SKA2: variants seen among roughly 807,000 people sequenced by gnomAD.
SKA2 encodes spindle and kinetochore associated complex subunit 2, also known as spindle and kinetochore-associated protein 2.
Under a neutral mutation model 16.9 loss-of-function variants are expected in SKA2, and 13 were observed. The ratio of observed to expected loss-of-function variants is 0.77; its 90% CI spans 0.50 to 1.22. The LOEUF (loss-of-function observed/expected upper bound fraction) is 1.22. Among genes scored for constraint, SKA2 ranks in the 50% most tolerant of loss-of-function variants. The pLI, the probability that SKA2 is intolerant of heterozygous loss-of-function variation, is 0.00. For missense variants in SKA2, 107 were observed against 139.7 expected, an observed-to-expected ratio of 0.77 and a Z score of 1.18; for synonymous variants, 47 against 48.5, an observed-to-expected ratio of 0.97 and a Z score of 0.13.
chr17:59,140,753 G>C (rs942162166), intron 1 of SKA2, among the ~76,000 whole-genome samples: 1 of 150,508 alleles, frequency 6.6e-6, no homozygotes, highest in Non-Finnish European at 1.5e-5. Flanking sequence ...TGGGACTACA[G>C]GTGCCCACCA....
In SKA2 at chr17:59,135,742, T is replaced by A. The variant is rs576313398; in HGVS notation, c.34-4375A>T. Among the ~76,000 whole-genome samples, 301 of 150,262 alleles carry A rather than the reference T, an allele frequency of 2.0e-3. 1 individual carries two copies. Among genetic ancestry groups the A allele is most frequent in the Middle Eastern group, 0.011 (3 of 278 alleles). On this transcript the variant is annotated intron_variant, in intron 1 of 3. Coordinates refer to ENST00000330137, the MANE Select transcript of SKA2 (RefSeq NM_182620.4). ...CTACCACACCCATCCTGAAAAAATA[T>A]ATTTAAAAAATATATTTTTAAAATA...
intron 1 of SKA2, among the ~76,000 whole-genome samples, chr17:59,147,223 A>C (rs1336507632): frequency 1.3e-5 from 2 of 151,480 alleles, no homozygotes. Context: ...GGTTATTAAA[A>C]AAACAAAAAC....
chr17:59,142,251 C>T (rs1050747859), intron 1 of SKA2, among the ~76,000 whole-genome samples: 5 of 150,712 alleles, frequency 3.3e-5, no homozygotes, highest in Non-Finnish European at 4.4e-5. Flanking sequence ...GGTGTTATTG[C>T]ACGAATATTC....
At chr17:59,142,044 C>T (rs1321919382) in intron 1 of SKA2, among the ~76,000 whole-genome samples, 3 of 152,138 alleles carry the variant, frequency 2.0e-5, no homozygotes, top group African/African-American at 7.2e-5. Context: ...TGCACACTGT[C>T]AATTCTACCC....
In SKA2 at chr17:59,140,435, G is replaced by A. The variant is rs186208805; in HGVS notation, c.34-9068C>T. 3.3e-3 allele frequency among the ~76,000 whole-genome samples: 497 copies of A among 151,780 alleles called. 3 individuals are homozygous for A. The highest frequency in any genetic ancestry group is 5.4e-3 in the Non-Finnish European group (370 of 67,936). On this transcript the variant is annotated intron_variant, in intron 1 of 3. Coordinates refer to ENST00000330137, the MANE Select transcript of SKA2 (RefSeq NM_182620.4). Reference sequence around the variant, plus strand: ...GTAGAGACGGGGTTTCACCATGTTGGCCAGGCTGGTCTCGAACTCCTGACC... The same window carrying A: ...GTAGAGACGGGGTTTCACCATGTTGACCAGGCTGGTCTCGAACTCCTGACC...
chr17:59,152,706 A>T (rs937241294), intron 1 of SKA2, among the ~76,000 whole-genome samples: 1 of 152,174 alleles, frequency 6.6e-6, no homozygotes, highest in Non-Finnish European at 1.5e-5. Flanking sequence ...GTCCACAAGT[A>T]TAACATTTTT....
chr17:59,147,822 T>G (rs548241605), intron 1 of SKA2, among the ~76,000 whole-genome samples: 2 of 151,166 alleles, frequency 1.3e-5, no homozygotes, highest in African/African-American at 4.9e-5. Flanking sequence ...TTAAATATTG[T>G]TTTAAGCAAA....
intron 2 of SKA2, among the ~76,000 whole-genome samples, chr17:59,128,762 C>T (rs746665204): frequency 2.0e-5 from 3 of 151,906 alleles, no homozygotes; most frequent in African/African-American, 4.8e-5. Context: ...TGGGAGCTTG[C>T]AGGATAGCAG....
chr17:59,152,725 G>C (rs895798135), intron 1 of SKA2, among the ~76,000 whole-genome samples: 9 of 151,644 alleles, frequency 5.9e-5, no homozygotes, highest in African/African-American at 2.2e-4. Flanking sequence ...TTTTCTAGAA[G>C]CACATGGTAA....
At position 59,111,007 on chromosome 17, in the gene SKA2, G is replaced by A. The variant is rs1172679632; in HGVS notation, c.*1270C>T. 6.6e-6 allele frequency: 1 copy of A among 152,050 alleles called. No homozygotes were observed. The highest frequency in any genetic ancestry group is 1.5e-5 in the Non-Finnish European group (1 of 68,016). 9.4% of individuals were successfully genotyped at this position (152,050 alleles called of 1,614,324 possible). A position where few individuals can be genotyped will look rare whatever the true frequency, so the allele number is the denominator to read the frequency against. ...ATGCATTTTTCCTAGTCCTTTCAAT[G>A]CTTAGTTTTTATTACATGTATGTAA... On this transcript the variant is annotated 3_prime_UTR_variant, in exon 4 of 4. Coordinates refer to ENST00000330137, the MANE Select transcript of SKA2 (RefSeq NM_182620.4).
At chr17:59,142,570 G>T (rs1053133172) in intron 1 of SKA2, among the ~76,000 whole-genome samples, 1 of 151,648 alleles carries the variant, frequency 6.6e-6, no homozygotes, top group Admixed American at 6.6e-5. Context: ...GATTACAGGC[G>T]TGAGTCACCG....
intron 2 of SKA2, among the ~76,000 whole-genome samples, chr17:59,123,021 CAAA>C (rs1197154280): frequency 1.4e-4 from 7 of 49,154 alleles, no homozygotes; most frequent in African/African-American, 2.8e-4. Context: ...AACCTTGTCT[CAAA>C]AAAAAAAAAA....
In SKA2 at chr17:59,119,606, G is replaced by A. The variant is rs183955859; in HGVS notation, c.121-111C>T. The A allele has an allele frequency of 1.8e-5, 17 of 970,508 alleles. No homozygotes were observed. In the Admixed American group the frequency reaches 1.8e-4, roughly 10 times the overall value. 60.1% of individuals were successfully genotyped at this position (970,508 alleles called of 1,614,324 possible). A position where few individuals can be genotyped will look rare whatever the true frequency, so the allele number is the denominator to read the frequency against. On this transcript the variant is annotated intron_variant, in intron 2 of 3. Coordinates refer to ENST00000330137, the MANE Select transcript of SKA2 (RefSeq NM_182620.4). ...TCTACCATCCATTTAATTGAACACT[G>A]TTGAGTATTTAATTATGCAGCCACA...
intron 3 of SKA2, 41 bp downstream of exon 3, chr17:59,119,278 C>G (rs2046316740): frequency 6.2e-7 from 1 of 1,603,178 alleles, no homozygotes; most frequent in Non-Finnish European, 8.5e-7. Flanking sequence ...ACACTCAGAG[C>G]TAAAGCTAAA....
chr17:59,115,572 T>C (rs2046291061), intron 3 of SKA2, among the ~76,000 whole-genome samples: 1 of 152,170 alleles, frequency 6.6e-6, no homozygotes, highest in African/African-American at 2.4e-5. Context: ...GGAAATGTTA[T>C]TCTGACAAGA....
At chr17:59,152,051 C>T (rs1025735941) in intron 1 of SKA2, among the ~76,000 whole-genome samples, 1 of 152,042 alleles carries the variant, frequency 6.6e-6, no homozygotes, top group African/African-American at 2.4e-5. Context: ...ACTTTTTTAA[C>T]GGATAAGAAC....
intron 1 of SKA2, among the ~76,000 whole-genome samples, chr17:59,146,825 G>A (rs1449535715): frequency 6.6e-6 from 1 of 151,934 alleles, no homozygotes; most frequent in Non-Finnish European, 1.5e-5. Context: ...TCACCACACC[G>A]AGCTAATGTT....
chr17:59,112,775 A>T (rs2046271807), intron 3 of SKA2, among the ~76,000 whole-genome samples: 1 of 152,142 alleles, frequency 6.6e-6, no homozygotes, highest in Non-Finnish European at 1.5e-5. Context: ...ACTTTAAATC[A>T]TCTCTAGATT....
At chr17:59,153,182 T>C (rs142537435) in intron 1 of SKA2, among the ~76,000 whole-genome samples, 1 of 152,290 alleles carries the variant, frequency 6.6e-6, no homozygotes, top group Non-Finnish European at 1.5e-5. Context: ...AAAAGCAGAA[T>C]TAGCATCATT....
Sources: gnomAD v4.1 joint callset for allele counts (sites outside exome capture counted in the v4.1 genomes callset) on GRCh38, gnomAD v4.1.1 for gene constraint, MANE v1.5 for transcripts, NCBI Gene and HGNC (gene_info 2026-07-23, HGNC 2026-07-21) for gene names.